MRRF: variants seen among roughly 807,000 people sequenced by gnomAD.
MRRF encodes the protein ribosome-recycling factor, mitochondrial.
In MRRF, 18 loss-of-function variants were observed where a neutral mutation model predicts 25.1. The observed-to-expected ratio is 0.72, with a 90% CI of 0.50 to 1.06. The LOEUF is 1.06. MRRF is among the 50% of genes least tolerant of loss of function. The pLI is 0.00. For missense variants in MRRF, 323 were observed against 319.3 expected (o/e 1.01, Z -0.09); for synonymous variants, 113 against 112.1 (o/e 1.01, Z -0.05).
rs869284152 is a variant in MRRF at position 122,308,385 on chromosome 9, C to CTT, written c.552-4824_552-4823dup. On this transcript the variant is annotated intron_variant, in intron 5 of 6. Transcript: ENST00000344641. The stretch of plus-strand genomic sequence containing the variant: ...CATTTTTAAAATGTACTGTTTTAGT[C>CTT]TTTTTTTTTTTTTTTTTTTAAGATG... Among the ~76,000 whole-genome samples, 339 of 124,178 alleles carry CTT rather than the reference C, an allele frequency of 2.7e-3. 1 individual carries two copies. Among genetic ancestry groups the CTT allele is most frequent in the African/African-American group, 8.8e-3 (298 of 33,948 alleles). 81.5% of individuals were successfully genotyped at this position (124,178 alleles called of 152,430 possible).
intron 5 of MRRF, among the ~76,000 whole-genome samples, chr9:122,303,609 G>A (rs1834616548): frequency 6.6e-6 from 1 of 151,960 alleles, no homozygotes; most frequent in Non-Finnish European, 1.5e-5. Context: ...TGAGCTCCTG[G>A]GCTCAAGCAA....
chr9:122,308,367 A>G (rs892291682), intron 5 of MRRF, among the ~76,000 whole-genome samples: 2 of 151,462 alleles, frequency 1.3e-5, no homozygotes, highest in South Asian at 2.1e-4. Flanking sequence ...ATGCATTTTT[A>G]AAATGTACTG....
chr9:122,307,161 C>T (rs534681318), intron 5 of MRRF, among the ~76,000 whole-genome samples: 72 of 152,306 alleles, frequency 4.7e-4, no homozygotes, highest in Non-Finnish European at 8.5e-4. Flanking sequence ...AGGCATGGGG[C>T]AGCTCCCACT....
At chr9:122,318,451 A>G (rs556517433) in intron 6 of MRRF, among the ~76,000 whole-genome samples, 1 of 152,314 alleles carries the variant, frequency 6.6e-6, no homozygotes, top group South Asian at 2.1e-4. Context: ...CTCTGAAATG[A>G]GCAAAGCTGG....
chr9:122,297,230 A>AC (rs1232432624), intron 5 of MRRF, among the ~76,000 whole-genome samples: 1 of 151,870 alleles, frequency 6.6e-6, no homozygotes, highest in East Asian at 1.9e-4. Flanking sequence ...AATCGCTTGA[A>AC]CCCGGGAGGT....
chr9:122,266,995 T>C (rs1404546729), intron 1 of MRRF, among the ~76,000 whole-genome samples: 1 of 148,618 alleles, frequency 6.7e-6, no homozygotes, highest in Non-Finnish European at 1.5e-5. Flanking sequence ...GCTTGAACCC[T>C]GGAGGCGGAG....
At chr9:122,295,426 A>C (rs1476345921) in intron 5 of MRRF, among the ~76,000 whole-genome samples, 1 of 151,570 alleles carries the variant, frequency 6.6e-6, no homozygotes, top group Non-Finnish European at 1.5e-5. Context: ...AATAGGAAGC[A>C]TACATTCTTA....
chr9:122,275,639 A>G (rs1424827351), intron 2 of MRRF, among the ~76,000 whole-genome samples: 1 of 152,074 alleles, frequency 6.6e-6, no homozygotes, highest in Non-Finnish European at 1.5e-5. Context: ...CCTGTCTAAA[A>G]TACAAACAAG....
At chr9:122,310,808 A>G (rs1256707422) in intron 5 of MRRF, among the ~76,000 whole-genome samples, 1 of 152,216 alleles carries the variant, frequency 6.6e-6, no homozygotes, top group Non-Finnish European at 1.5e-5. Context: ...CTGGAATACA[A>G]ACTCTAGTGC....
intron 5 of MRRF, among the ~76,000 whole-genome samples, chr9:122,308,584 A>C (rs1835009439): frequency 6.6e-6 from 1 of 150,460 alleles, no homozygotes; most frequent in African/African-American, 2.4e-5. Context: ...CTGTAATCCC[A>C]GCTACTCAGG....
chr9:122,329,277 G>A lies in MRRF; in HGVS notation c.*6660G>A, dbSNP rs995347369. ...TTGTGCTGCTTTCTCTCACCTTCAA[G>A]CCTTTTCTTAGGCTATTTTCTTTGC... On this transcript the variant is annotated 3_prime_UTR_variant, in exon 7 of 7. Transcript: ENST00000344641. 1.3e-5 allele frequency: 2 copies of A among 152,102 alleles called. No homozygotes were observed. Among genetic ancestry groups the A allele is most frequent in the African/African-American group, 2.4e-5 (1 of 41,392 alleles). The allele number at this position is 152,102 out of a possible 1,614,324, so 9.4% of individuals were successfully genotyped here.
chr9:122,318,617 TC>T (rs1249827271), intron 6 of MRRF, among the ~76,000 whole-genome samples: 1 of 152,198 alleles, frequency 6.6e-6, no homozygotes, highest in Non-Finnish European at 1.5e-5. Context: ...CTCCTGCCAT[TC>T]CCCTTCTCTG....
rs1049953774 is a variant in MRRF at position 122,290,060 on chromosome 9, AAAAAAGAAAAAAG to A, written c.460-1678_460-1666del. On this transcript the variant is annotated intron_variant, in intron 4 of 6. Coordinates refer to ENST00000344641, the MANE Select transcript of MRRF (RefSeq NM_138777.5). The stretch of plus-strand genomic sequence containing the variant: ...CAGAGTGAGACCCTGTCTCAAAAAA[AAAAAAGAAAAAAG>A]AAAAAGAAAAGAAAAATCAAATCCT... Among the ~76,000 whole-genome samples the A allele has an allele frequency of 2.2e-4, 34 of 152,168 alleles. 1 individual carries two copies. The South Asian group carries it at 4.6e-3, about 20-fold the overall frequency.
At position 122,277,917 on chromosome 9, in the gene MRRF, AT is replaced by A. The variant is rs999380118; in HGVS notation, c.185-2518del. Among the ~76,000 whole-genome samples, 121 of 151,944 alleles carry A rather than the reference AT, an allele frequency of 8.0e-4. 2 individuals are homozygous for A. The highest frequency in any genetic ancestry group is 2.1e-3 in the African/African-American group (88 of 41,444). ...CTTTTTTTTAAATGCATATTTAAAA[AT>A]TTTTTTTATTGATACATATTTGTAC... On this transcript the variant is annotated intron_variant, in intron 2 of 6. Transcript: ENST00000344641.
chr9:122,317,071 T>C (rs1163838717), intron 6 of MRRF, among the ~76,000 whole-genome samples: 2 of 144,866 alleles, frequency 1.4e-5, no homozygotes, highest in Admixed American at 1.4e-4. Flanking sequence ...GCAGTGAATA[T>C]ATATATATAT....
rs1264197743 is a variant in MRRF, at chr9:122,325,071, CAG to C, written c.*2457_*2458del. 1.3e-5 allele frequency: 2 copies of C among 152,060 alleles called. No homozygotes were observed. Among genetic ancestry groups the C allele is most frequent in the Non-Finnish European group, 2.9e-5 (2 of 68,030 alleles). The allele number at this position is 152,060 out of a possible 1,614,324, so 9.4% of individuals were successfully genotyped here. A position where few individuals can be genotyped will look rare whatever the true frequency, so the allele number is the denominator to read the frequency against. ...CAAAGATGCAGGATTTTTTAATAAACAGAGGAAATGATAAATTATGTTGTAAT... is the reference window on the plus strand; with the variant it reads ...CAAAGATGCAGGATTTTTTAATAAACAGGAAATGATAAATTATGTTGTAAT... On this transcript the variant is annotated 3_prime_UTR_variant, in exon 7 of 7. Transcript: ENST00000344641.
chr9:122,304,915 G>A (rs1263646392), intron 5 of MRRF, among the ~76,000 whole-genome samples: 1 of 151,922 alleles, frequency 6.6e-6, no homozygotes, highest in Non-Finnish European at 1.5e-5. Context: ...CCTTGGGCAG[G>A]TTACTTGATC....
chr9:122,275,095 CTTT>C (rs200378532), intron 2 of MRRF, among the ~76,000 whole-genome samples: 8 of 138,898 alleles, frequency 5.8e-5, no homozygotes, highest in Non-Finnish European at 7.8e-5. Flanking sequence ...TAGTTACCTC[CTTT>C]TTTTTTTTTT....
At position 122,296,421 on chromosome 9, in the gene MRRF, A is replaced by T. The variant is rs114682078; in HGVS notation, c.551+4581A>T. ...AGAGGTATAATGCCTGGAAGTGTTG[A>T]GCTGAACACTTTACAATTTCTCCCC... On this transcript the variant is annotated intron_variant, in intron 5 of 6. Transcript: ENST00000344641. Among the ~76,000 whole-genome samples the T allele has an allele frequency of 2.4e-3, 358 of 152,300 alleles. 1 individual carries two copies. Among genetic ancestry groups the T allele is most frequent in the African/African-American group, 8.3e-3 (345 of 41,560 alleles).
Sources: allele counts gnomAD v4.1 joint callset (sites outside exome capture counted in the v4.1 genomes callset), GRCh38; gene constraint gnomAD v4.1.1; transcripts MANE v1.5; gene names NCBI Gene and HGNC (gene_info 2026-07-23, HGNC 2026-07-21).